NBPF11: variants seen among roughly 807,000 people sequenced by gnomAD.
NBPF11 encodes the protein NBPF member 11, also known as NBPF family member NBPF11.
In NBPF11, 72 loss-of-function variants were observed where a neutral mutation model predicts 93.9. The ratio of observed to expected loss-of-function variants is 0.77; its 90% CI spans 0.63 to 0.93. The LOEUF is 0.93. Ranked by LOEUF, NBPF11 falls within the 40% of genes least tolerant of loss-of-function variation. The pLI, the probability that NBPF11 is intolerant of heterozygous loss-of-function variation, is 0.00. For missense variants in NBPF11, 705 were observed against 802.2 expected, an observed-to-expected ratio of 0.88 and a Z score of 1.46; for synonymous variants, 224 against 304.9, an observed-to-expected ratio of 0.73 and a Z score of 2.76.
At chr1:148,148,395 C>T (rs3746057) in intron 1 of NBPF11, among the ~76,000 whole-genome samples, 3 of 152,126 alleles carry the variant, frequency 2.0e-5, no homozygotes, top group Non-Finnish European at 2.9e-5. Flanking sequence ...GTGGGTCCCG[C>T]GTGCTTGGGA....
intron 4 of NBPF11, among the ~76,000 whole-genome samples, chr1:148,133,508 G>A (rs1336192735): frequency 2.0e-5 from 3 of 152,052 alleles, no homozygotes; most frequent in Non-Finnish European, 2.9e-5. Context: ...TCATCATGCT[G>A]AGCATTTTCT....
chr1:148,108,643 T>A lies in NBPF11; in HGVS notation c.1865A>T (p.Glu622Val). 8.7e-7 allele frequency: 1 copy of A among 1,147,538 alleles called. No individual in the cohort carries two copies. Among genetic ancestry groups the A allele is most frequent in the Non-Finnish European group, 1.3e-6 (1 of 757,524 alleles). The allele number at this position is 1,147,538 out of a possible 1,614,324, so 71.1% of individuals were successfully genotyped here. The change falls in exon 18 of 24, where the codon GAG becomes GTG. Residue 622 changes from glutamate (E) to valine (V), a missense_variant. This residue lies in a region of NBPF11 where 97 missense variants were observed against 65.0 expected (regional missense o/e 1.49). Transcript: ENST00000682118. ...QEATGPRLSR[E>V]LLDEKEPEVL... ...TTCAGGCTCTTTCTCATCCAGCAGC[T>A]CCCTGCTGAGCCTGGAAAAGTGGGA... is the stretch of plus-strand genomic sequence containing the variant.
chr1:148,137,043 A>G (rs1671412235), intron 3 of NBPF11, among the ~76,000 whole-genome samples: 1 of 151,882 alleles, frequency 6.6e-6, no homozygotes, highest in Non-Finnish European at 1.5e-5. Flanking sequence ...AATTTCTGAA[A>G]TGGTCCCCAA....
rs781939834 is a variant in NBPF11 at position 148,105,721 on chromosome 1, GACACACACAC to G, written c.2304-203_2304-194del. Among the ~76,000 whole-genome samples, 19 of 96,016 alleles carry G rather than the reference GACACACACAC, an allele frequency of 2.0e-4. 2 individuals are homozygous for G. The highest frequency in any genetic ancestry group is 1.9e-4 in the Non-Finnish European group (10 of 53,008). 63.0% of individuals were successfully genotyped at this position (96,016 alleles called of 152,430 possible). A position where few individuals can be genotyped will look rare whatever the true frequency, so the allele number is the denominator to read the frequency against. ...TGGAAAAGAATGAAAGAGAAAGACA[GACACACACAC>G]ACACACACACACACAAACACACACA... On this transcript the variant is annotated intron_variant, in intron 21 of 23. Coordinates refer to ENST00000682118, the MANE Select transcript of NBPF11 (RefSeq NM_001385469.3).
intron 1 of NBPF11, chr1:148,146,579 C>T: frequency 6.2e-7 from 1 of 1,607,780 alleles, no homozygotes; most frequent in South Asian, 1.1e-5. Context: ...TCCTCGGGCG[C>T]ACCCGGGCGC....
intron 13 of NBPF11, 136 bp from the exon 14 acceptor site, chr1:148,116,134 G>T (rs1181085422): frequency 6.3e-5 from 65 of 1,033,980 alleles, no homozygotes; most frequent in Middle Eastern, 6.0e-4. Flanking sequence ...CCATTAAGAG[G>T]GAACATGCAA....
In NBPF11 at chr1:148,105,637, T is replaced by G. The variant is rs1211211660; in HGVS notation, c.2304-109A>C. On this transcript the variant is annotated intron_variant, in intron 21 of 23. Transcript: ENST00000682118. ...GGAAGTGGTTAAAAAAGTAAAAGGA[T>G]AGATCTATTAATGAGGTAACAAATT... is the stretch of plus-strand genomic sequence containing the variant. The G allele has an allele frequency of 8.9e-6, 6 of 677,956 alleles. 1 individual carries two copies. Among genetic ancestry groups the G allele is most frequent in the Non-Finnish European group, 1.6e-5 (6 of 381,932 alleles). The allele number at this position is 677,956 out of a possible 1,614,324, so 42.0% of individuals were successfully genotyped here. A position where few individuals can be genotyped will look rare whatever the true frequency, so the allele number is the denominator to read the frequency against.
chr1:148,136,380 C>G (rs1206080609), intron 3 of NBPF11, among the ~76,000 whole-genome samples: 1 of 151,788 alleles, frequency 6.6e-6, no homozygotes, highest in East Asian at 1.9e-4. Flanking sequence ...AATATACATT[C>G]AAATATCTAT....
At chr1:148,145,112 A>AAC (rs1312725068) in intron 1 of NBPF11, among the ~76,000 whole-genome samples, 1 of 150,000 alleles carries the variant, frequency 6.7e-6, no homozygotes, top group African/African-American at 2.5e-5. Flanking sequence ...GAAAAAAAAA[A>AAC]ATGCAAAAAC....
rs1195245950 is a variant in NBPF11, at chr1:148,151,284, T to C, written c.-549+466A>G. ...ACATGCATCCTGGACCTGGCACACC[T>C]GGCTTGCCCATCACCAGCCTGGAGA... On this transcript the variant is annotated intron_variant, in intron 1 of 23. Coordinates refer to ENST00000682118, the MANE Select transcript of NBPF11 (RefSeq NM_001385469.3). 3.3e-5 allele frequency among the ~76,000 whole-genome samples: 5 copies of C among 152,048 alleles called. No individual in the cohort carries two copies. In the South Asian group the frequency reaches 8.3e-4, roughly 25 times the overall value.
intron 14 of NBPF11, among the ~76,000 whole-genome samples, chr1:148,115,143 T>C (rs1666169296): frequency 1.1e-5 from 1 of 88,532 alleles, no homozygotes; most frequent in South Asian, 4.8e-4. Context: ...CCAGCCTAGG[T>C]GACAGAGCAG....
At chr1:148,142,586 C>G (rs1385591672) in intron 2 of NBPF11, among the ~76,000 whole-genome samples, 1 of 152,070 alleles carries the variant, frequency 6.6e-6, no homozygotes, top group African/African-American at 2.4e-5. Flanking sequence ...GCTCCCACTC[C>G]CCCAGGACCT....
At chr1:148,112,898 C>G (rs1665630670) in intron 15 of NBPF11, among the ~76,000 whole-genome samples, 1 of 151,078 alleles carries the variant, frequency 6.6e-6, no homozygotes, top group African/African-American at 2.5e-5. Context: ...AGAAATAAAT[C>G]CTTTACAGAG....
At chr1:148,120,188 G>A (rs74505683) in intron 10 of NBPF11, among the ~76,000 whole-genome samples, 7 of 151,196 alleles carry the variant, frequency 4.6e-5, no homozygotes, top group East Asian at 3.9e-4. Flanking sequence ...AGGATCTTAT[G>A]TGGTACAGAG....
intron 1 of NBPF11, among the ~76,000 whole-genome samples, chr1:148,150,814 G>A (rs1404607119): frequency 1.8e-4 from 26 of 148,152 alleles, no homozygotes; most frequent in African/African-American, 5.3e-4. Context: ...TGCAACCTCC[G>A]CCTCCCAGGT....
chr1:148,125,072 A>T, intron 5 of NBPF11, 71 bp from the exon 6 acceptor site: 1 of 985,898 alleles, frequency 1.0e-6, no homozygotes, highest in East Asian at 2.4e-5. Flanking sequence ...CCTACAGGGC[A>T]GGAGCCAGGT....
At chr1:148,120,758 T>G (rs1413347451) in intron 9 of NBPF11, 48 bp from the exon 10 acceptor site, 25 of 1,294,634 alleles carry the variant, frequency 1.9e-5, no homozygotes, top group Non-Finnish European at 4.5e-6. Flanking sequence ...ACTGGTGAAA[T>G]CAAATAGGCT....
At chr1:148,119,893 C>T (rs1421568707) in intron 10 of NBPF11, among the ~76,000 whole-genome samples, 10 of 151,762 alleles carry the variant, frequency 6.6e-5, no homozygotes, top group Admixed American at 1.3e-4. Flanking sequence ...TGACCTCGTG[C>T]TCTACCCGCC....
At chr1:148,146,345 G>C (rs1276087703) in intron 1 of NBPF11, 2 of 1,452,440 alleles carry the variant, frequency 1.4e-6, no homozygotes, top group Admixed American at 2.7e-5. Context: ...AGGCCGGGCG[G>C]CGTTGTTGGC....
Sources: gnomAD v4.1 joint callset for allele counts (sites outside exome capture counted in the v4.1 genomes callset) on GRCh38, gnomAD v4.1.1 for gene constraint, gnomAD v4.1.1 regional missense constraint, MANE v1.5 for transcripts, NCBI Gene and HGNC (gene_info 2026-07-23, HGNC 2026-07-21) for gene names.